The following TREX1 variants were observed in gnomAD, a reference collection of about 807,000 sequenced individuals.
The protein encoded by TREX1 is three prime repair exonuclease 1, also known as three-prime repair exonuclease 1.
Under a neutral mutation model 13.7 loss-of-function variants are expected in TREX1, and 11 were observed. The ratio of observed to expected loss-of-function variants is 0.80; its 90% CI spans 0.51 to 1.33. TREX1 has a LOEUF of 1.33. TREX1 is among the 40% of genes most tolerant of loss of function. The pLI is 0.00. For missense variants in TREX1, 409 were observed against 404.4 expected (o/e 1.01, Z -0.10); for synonymous variants, 178 against 178.8 (o/e 1.00, Z 0.03).
rs578154315 is a variant in TREX1, at chr3:48,466,964, C to A, written c.309C>A (p.Asn103Lys). The change falls in exon 2 of 2, where the codon AAC becomes AAA. Residue 103 changes from asparagine (N) to lysine (K), a missense_variant. Asn to Lys is a moderately conservative substitution (Grantham distance 94). Transcript: ENST00000625293. The part of the protein sequence containing the change: ...AAHGRQCFDD[N>K]LANLLLAFLR... ...ATGGGCGTCAATGTTTTGATGACAA[C>A]CTGGCCAACCTGCTCCTAGCCTTCC... The A allele has an allele frequency of 1.2e-6, 2 of 1,612,386 alleles. No individual in the cohort carries two copies. The highest frequency in any genetic ancestry group is 1.1e-5 in the South Asian group (1 of 91,088).
chr3:48,467,286 A>G lies in TREX1; in HGVS notation c.631A>G (p.Arg211Gly). ...VLALLSICQW[R>G]PQALLRWVDA... ...GGCCCTGCTCAGCATCTGTCAGTGG[A>G]GACCACAGGCCCTGCTGCGGTGGGT... Residue 211 changes from arginine to glycine, a missense_variant, in exon 2 of 2, where the codon AGA becomes GGA. Coordinates refer to ENST00000625293, the MANE Select transcript of TREX1 (RefSeq NM_033629.6). The G allele has an allele frequency of 6.2e-7, 1 of 1,614,158 alleles. No homozygotes were observed. Among genetic ancestry groups the G allele is most frequent in the Non-Finnish European group, 8.5e-7 (1 of 1,180,022 alleles).
chr3:48,467,573 A>C lies in TREX1; in HGVS notation c.918A>C (p.Gly306=). ...ILTLAVATLY[G]LSLATPGE ...CCTTGGCAGTAGCCACACTGTATGG[A>C]CTATCCCTGGCCACACCTGGGGAGT... The change falls in exon 2 of 2, where the codon GGA becomes GGC. Residue 306 remains glycine, a synonymous_variant. Coordinates refer to ENST00000625293, the MANE Select transcript of TREX1 (RefSeq NM_033629.6). 1 of 1,613,360 alleles carries C rather than the reference A, an allele frequency of 6.2e-7. No individual in the cohort carries two copies.
rs749549109 is a variant in TREX1, at chr3:48,467,351, G to T, written c.696G>T (p.Met232Ile). 4 of 1,614,074 alleles carry T rather than the reference G, an allele frequency of 2.5e-6. No individual in the cohort carries two copies. The highest frequency in any genetic ancestry group is 3.4e-6 in the Non-Finnish European group (4 of 1,180,056). ...GGCCTTTCGGCACCATCAGGCCCAT[G>T]TATGGGGTCACAGCCTCTGCTAGGA... ...HARPFGTIRP[M>I]YGVTASARTK... The change falls in exon 2 of 2, where the codon ATG (methionine) becomes ATT (isoleucine). Residue 232 changes from methionine (M) to isoleucine (I), a missense_variant. Physicochemically the swap from Met to Ile is conservative, Grantham distance 10 (BLOSUM62 1). Coordinates refer to ENST00000625293, the MANE Select transcript of TREX1 (RefSeq NM_033629.6).
Position 48,467,558 on chromosome 3 carries a change from AG to A in TREX1, c.904del (p.Ala302ProfsTer20). The A allele has an allele frequency of 1.2e-6, 2 of 1,613,838 alleles. No homozygotes were observed. The highest frequency in any genetic ancestry group is 1.7e-6 in the Non-Finnish European group (2 of 1,179,952). On this transcript the variant is annotated frameshift_variant, in exon 2 of 2. Coordinates refer to ENST00000625293, the MANE Select transcript of TREX1 (RefSeq NM_033629.6). LOFTEE classifies it high-confidence loss of function. ...GLLAILTLAVATLYGLSLATP... is the reference protein window; with the variant it reads ...GLLAILTLAVXTLYGLSLATP... Reference sequence around the variant, plus strand: ...TGCTGGCCATCCTGACCTTGGCAGTAGCCACACTGTATGGACTATCCCTGGC... The same window carrying A: ...TGCTGGCCATCCTGACCTTGGCAGTACCACACTGTATGGACTATCCCTGGC...
chr3:48,467,253 G>GATGT lies in TREX1; in HGVS notation c.599_602dup (p.Leu202CysfsTer40). 6.2e-7 allele frequency: 1 copy of GATGT among 1,614,150 alleles called. No homozygotes were observed. The highest frequency in any genetic ancestry group is 8.5e-7 in the Non-Finnish European group (1 of 1,180,024). ...TCCAGACTCGCACACGGCTGAGGGTGATGTCCTGGCCCTGCTCAGCATCTG... is the reference window on the plus strand; with the variant it reads ...TCCAGACTCGCACACGGCTGAGGGTGATGTATGTCCTGGCCCTGCTCAGCATCTG... On this transcript the variant is annotated frameshift_variant, in exon 2 of 2. Transcript: ENST00000625293. LOFTEE classifies it high-confidence loss of function.
At chr3:48,466,506 C>A (rs1227078079) in intron 1 of TREX1, 124 bp from the exon 2 acceptor site, 1 of 1,613,944 alleles carries the variant, frequency 6.2e-7, no homozygotes, top group Admixed American at 1.7e-5. Context: ...CCCTGGAGCT[C>A]GCAGACAGGG....
Position 48,467,302 on chromosome 3 carries a change from T to C in TREX1, c.647T>C (p.Leu216Pro), listed in dbSNP as rs142082672. 6 of 1,614,030 alleles carry C rather than the reference T, an allele frequency of 3.7e-6. No individual in the cohort carries two copies. The highest frequency in any genetic ancestry group is 5.1e-6 in the Non-Finnish European group (6 of 1,180,038). ...SICQWRPQAL[L>P]RWVDAHARPF... The stretch of plus-strand genomic sequence containing the variant: ...TGTCAGTGGAGACCACAGGCCCTGC[T>C]GCGGTGGGTGGATGCTCACGCCAGG... Residue 216 changes from leucine (L) to proline (P), a missense_variant, in exon 2 of 2, where the codon CTG becomes CCG. By Grantham distance (98) the Leu-to-Pro change is moderately conservative. Transcript: ENST00000625293.
At position 48,467,372 on chromosome 3, in the gene TREX1, T is replaced by C. The variant is rs778737526; in HGVS notation, c.717T>C (p.Ala239=). The change falls in exon 2 of 2, where the codon GCT becomes GCC. Residue 239 remains alanine, a synonymous_variant. Coordinates refer to ENST00000625293, the MANE Select transcript of TREX1 (RefSeq NM_033629.6). ...CCATGTATGGGGTCACAGCCTCTGC[T>C]AGGACCAAGCCAAGACCATCTGCTG... ...IRPMYGVTAS[A]RTKPRPSAVT... The C allele has an allele frequency of 1.2e-6, 2 of 1,614,168 alleles. No individual in the cohort carries two copies. Among genetic ancestry groups the C allele is most frequent in the Non-Finnish European group, 1.7e-6 (2 of 1,180,034 alleles).
intron 1 of TREX1, 129 bp downstream of exon 1, chr3:48,466,438 G>A (rs2040299898): frequency 1.4e-5 from 22 of 1,612,508 alleles, no homozygotes; most frequent in Non-Finnish European, 1.7e-5. Context: ...ACAGTCGAAT[G>A]TGCTGGTCCC....
rs745652233 is a variant in TREX1, at chr3:48,467,453, G to C, written c.798G>C (p.Glu266Asp). 2.5e-6 allele frequency: 4 copies of C among 1,614,082 alleles called. No individual in the cohort carries two copies. The highest frequency in any genetic ancestry group is 1.6e-4 in the Middle Eastern group (1 of 6,084). ...GGAACACTAGTCCCAGCCTTGGAGA[G>C]AGCAGGGGTACCAAGGATCTTCCTC... ...TTRNTSPSLG[E>D]SRGTKDLPPV... The change falls in exon 2 of 2, where the codon GAG becomes GAC. Residue 266 changes from glutamate (E) to aspartate (D), a missense_variant. Coordinates refer to ENST00000625293, the MANE Select transcript of TREX1 (RefSeq NM_033629.6).
At position 48,467,433 on chromosome 3, in the gene TREX1, A is replaced by C; in HGVS notation, c.778A>C (p.Thr260Pro). 1 of 1,614,166 alleles carries C rather than the reference A, an allele frequency of 6.2e-7. No individual in the cohort carries two copies. Among genetic ancestry groups the C allele is most frequent in the Non-Finnish European group, 8.5e-7 (1 of 1,180,012 alleles). ...TTAHLATTRN[T>P]SPSLGESRGT... is the part of the protein sequence containing the mutation. ...TGCACACCTGGCCACAACCAGGAAC[A>C]CTAGTCCCAGCCTTGGAGAGAGCAG... The change falls in exon 2 of 2, where the codon ACT becomes CCT. Residue 260 changes from threonine to proline, a missense_variant. Transcript: ENST00000625293.
In TREX1 at chr3:48,466,755, C is replaced by T. The variant is rs1295070952; in HGVS notation, c.100C>T (p.Leu34=). The part of the protein sequence containing the change: ...LPFSQPKVTE[L]CLLAVHRCAL... ...CTTCTCCCAGCCCAAGGTCACGGAG[C>T]TGTGCCTGCTGGCTGTCCACAGATG... The change falls in exon 2 of 2, where the codon CTG becomes TTG. Residue 34 remains leucine (L), a synonymous_variant. Coordinates refer to ENST00000625293, the MANE Select transcript of TREX1 (RefSeq NM_033629.6). 2 of 1,613,886 alleles carry T rather than the reference C, an allele frequency of 1.2e-6. No individual in the cohort carries two copies. Among genetic ancestry groups the T allele is most frequent in the Non-Finnish European group, 1.7e-6 (2 of 1,180,050 alleles).
chr3:48,466,361 C>A, intron 1 of TREX1, 52 bp downstream of exon 1: 1 of 1,283,742 alleles, frequency 7.8e-7, no homozygotes, highest in South Asian at 1.3e-5. Flanking sequence ...GCCATGGGTT[C>A]CCCCACCCCA....
chr3:48,467,354 T>TG lies in TREX1; in HGVS notation c.703dup (p.Val235GlyfsTer6), dbSNP rs1553820434. 1.2e-6 allele frequency: 2 copies of TG among 1,614,192 alleles called. No homozygotes were observed. Among genetic ancestry groups the TG allele is most frequent in the Non-Finnish European group, 8.5e-7 (1 of 1,180,032 alleles). On this transcript the variant is annotated frameshift_variant, in exon 2 of 2. Transcript: ENST00000625293. LOFTEE classifies it high-confidence loss of function. Reference sequence around the variant, plus strand: ...CTTTCGGCACCATCAGGCCCATGTATGGGGTCACAGCCTCTGCTAGGACCA... The same window carrying TG: ...CTTTCGGCACCATCAGGCCCATGTATGGGGGTCACAGCCTCTGCTAGGACCA...
In TREX1 at chr3:48,466,644, A is replaced by G; in HGVS notation, c.-12A>G. On this transcript the variant is annotated 5_prime_UTR_variant, in exon 2 of 2. Coordinates refer to ENST00000625293, the MANE Select transcript of TREX1 (RefSeq NM_033629.6). Reference sequence around the variant, plus strand: ...CTCCTCTCCAGGCTCAGCAGCAGGTACGTACCCAACCATGGGCTCGCAGGC... The same window carrying G: ...CTCCTCTCCAGGCTCAGCAGCAGGTGCGTACCCAACCATGGGCTCGCAGGC... The G allele has an allele frequency of 1.9e-6, 3 of 1,613,904 alleles. No homozygotes were observed. The highest frequency in any genetic ancestry group is 2.5e-6 in the Non-Finnish European group (3 of 1,179,974).
chr3:48,466,259 G>A lies in TREX1; in HGVS notation c.-77G>A, dbSNP rs571466410. ...CCCGCCACTGCTGCCAGCGAGAGCC[G>A]CGGGAGAGTGTGCAGCCGAGTCACT... is the stretch of plus-strand genomic sequence containing the variant. On this transcript the variant is annotated 5_prime_UTR_variant, in exon 1 of 2. Coordinates refer to ENST00000625293, the MANE Select transcript of TREX1 (RefSeq NM_033629.6). 2.9e-5 allele frequency: 18 copies of A among 615,004 alleles called. No individual in the cohort carries two copies. Among genetic ancestry groups the A allele is most frequent in the Middle Eastern group, 4.4e-4 (1 of 2,276 alleles). 38.1% of individuals were successfully genotyped at this position (615,004 alleles called of 1,614,324 possible).
chr3:48,466,436 A>G, intron 1 of TREX1, 127 bp downstream of exon 1: 2 of 1,612,376 alleles, frequency 1.2e-6, no homozygotes, highest in Non-Finnish European at 1.7e-6. Flanking sequence ...AGACAGTCGA[A>G]TGTGCTGGTC....
chr3:48,466,443 G>T (rs753559522), intron 1 of TREX1, 134 bp downstream of exon 1: 1 of 1,612,886 alleles, frequency 6.2e-7, no homozygotes, highest in Non-Finnish European at 8.5e-7. Flanking sequence ...CGAATGTGCT[G>T]GTCCCACTAA....
rs992317908 is a variant in TREX1 at position 48,466,237 on chromosome 3, G to A, written c.-99G>A. ...GGGCCCACGCCAAGTTTCACTTCCC[G>A]CCACTGCTGCCAGCGAGAGCCGCGG... On this transcript the variant is annotated 5_prime_UTR_variant, in exon 1 of 2. Transcript: ENST00000625293. 1.6e-4 allele frequency: 98 copies of A among 594,734 alleles called. No individual in the cohort carries two copies. The highest frequency in any genetic ancestry group is 1.7e-4 in the Non-Finnish European group (55 of 332,678). 36.8% of individuals were successfully genotyped at this position (594,734 alleles called of 1,614,324 possible).
Sources: gnomAD v4.1 joint callset for allele counts on GRCh38, gnomAD v4.1.1 for gene constraint, MANE v1.5 for transcripts, NCBI Gene and HGNC (gene_info 2026-07-23, HGNC 2026-07-21) for gene names.